Variants in STPG2 observed in about 807,000 individuals in gnomAD.
STPG2 encodes the protein sperm-tail PG-rich repeat-containing protein 2.
In STPG2, 56 loss-of-function variants were observed where a neutral mutation model predicts 54.2. The observed-to-expected ratio is 1.03, with a 90% CI of 0.83 to 1.29. STPG2 has a LOEUF of 1.29. Among genes scored for constraint, STPG2 ranks in the 50% most tolerant of loss-of-function variants. The probability of loss-of-function intolerance (pLI) is 0.00; values close to 1 mark genes in which losing one functional copy is unlikely to be tolerated. For missense variants in STPG2, 596 were observed against 544.9 expected (o/e 1.09, Z -0.93); for synonymous variants, 200 against 181.8 (o/e 1.10, Z -0.81).
intron 9 of STPG2, among the ~76,000 whole-genome samples, chr4:97,787,313 C>A (rs1726857319): frequency 6.6e-6 from 1 of 152,034 alleles, no homozygotes; most frequent in African/African-American, 2.4e-5. Context: ...TACTTCTATT[C>A]CTAATTTGCT....
intron 5 of STPG2, among the ~76,000 whole-genome samples, chr4:98,073,087 G>T (rs1738058529): frequency 6.6e-6 from 1 of 152,112 alleles, no homozygotes; most frequent in Non-Finnish European, 1.5e-5. Context: ...ATTCATTCAT[G>T]CTGCTTAAGG....
At chr4:98,114,013 G>A (rs571308912) in intron 3 of STPG2, among the ~76,000 whole-genome samples, 4 of 151,384 alleles carry the variant, frequency 2.6e-5, no homozygotes, top group Non-Finnish European at 5.9e-5. Context: ...AAAAGAGCAC[G>A]GAGAAACCCT....
chr4:97,836,831 A>T (rs1193537627), intron 9 of STPG2, among the ~76,000 whole-genome samples: 2 of 149,674 alleles, frequency 1.3e-5, no homozygotes, highest in Admixed American at 6.7e-5. Flanking sequence ...TTAATAATTA[A>T]TATTAACAAT....
chr4:97,674,825 C>T (rs973112205), intron 10 of STPG2, among the ~76,000 whole-genome samples: 1 of 151,984 alleles, frequency 6.6e-6, no homozygotes, highest in African/African-American at 2.4e-5. Context: ...AAAATTCTCA[C>T]CATATTAATA....
chr4:97,669,871 G>T (rs1047488657), intron 10 of STPG2, among the ~76,000 whole-genome samples: 59 of 152,038 alleles, frequency 3.9e-4, no homozygotes, highest in African/African-American at 7.7e-4. Context: ...TGCTAATGAG[G>T]TTATACATAT....
chr4:98,054,489 T>C (rs1316912204), intron 5 of STPG2, among the ~76,000 whole-genome samples: 2 of 152,194 alleles, frequency 1.3e-5, no homozygotes, highest in African/African-American at 2.4e-5. Context: ...CTATTAAATG[T>C]GACCACTCAA....
intron 8 of STPG2, among the ~76,000 whole-genome samples, chr4:97,906,621 A>T (rs1731435827): frequency 6.6e-6 from 1 of 152,148 alleles, no homozygotes; most frequent in South Asian, 2.1e-4. Flanking sequence ...TCCTCAATAA[A>T]ATATTGGCAA....
chr4:98,074,438 T>C (rs1275873054), intron 5 of STPG2, among the ~76,000 whole-genome samples: 1 of 151,708 alleles, frequency 6.6e-6, no homozygotes, highest in Non-Finnish European at 1.5e-5. Flanking sequence ...TTAAAGTTTG[T>C]AGAACTTCTT....
intron 7 of STPG2, among the ~76,000 whole-genome samples, chr4:97,948,962 T>C (rs1371237231): frequency 2.6e-5 from 4 of 152,078 alleles, no homozygotes. Flanking sequence ...CATTGTTTCT[T>C]TGTTGAATTT....
At chr4:97,919,106 T>C (rs541471598) in intron 8 of STPG2, among the ~76,000 whole-genome samples, 78 of 152,074 alleles carry the variant, frequency 5.1e-4, no homozygotes, top group Non-Finnish European at 7.9e-4. Context: ...TCTAAATATG[T>C]CAAAATAGAA....
downstream of STPG2, among the ~76,000 whole-genome samples, chr4:97,554,479 T>C (rs1347173741): frequency 6.6e-6 from 1 of 152,196 alleles, no homozygotes; most frequent in Non-Finnish European, 1.5e-5. Context: ...ACCTTCTTTC[T>C]GGCTTTGGTG....
At chr4:97,769,620 A>G (rs1270165705) in intron 9 of STPG2, among the ~76,000 whole-genome samples, 3 of 152,158 alleles carry the variant, frequency 2.0e-5, no homozygotes, top group African/African-American at 7.2e-5. Flanking sequence ...AAAAAAAGTT[A>G]TTAAAAAAAT....
At chr4:97,803,050 T>C (rs1221646365) in intron 9 of STPG2, among the ~76,000 whole-genome samples, 1 of 152,186 alleles carries the variant, frequency 6.6e-6, no homozygotes, top group African/African-American at 2.4e-5. Flanking sequence ...TGTTTTTGGA[T>C]TGTGCCAGGA....
rs771394414 is a variant in STPG2, at chr4:97,981,271, A to G, written c.660T>C (p.Asn220=). The change falls in exon 6 of 11, where the codon AAT becomes AAC. Residue 220 remains asparagine, a synonymous_variant. Coordinates refer to ENST00000295268, the MANE Select transcript of STPG2 (RefSeq NM_174952.3). ...AAGACTTGAGAGCAGTTCGAGGTTC[A>G]TTATATGTGCCAGGAGCCGGGGTGA... is the stretch of plus-strand genomic sequence containing the variant. ...KSITPAPGTY[N]EPRTALKSLK... The G allele has an allele frequency of 1.2e-6, 2 of 1,614,066 alleles. No individual in the cohort carries two copies. Among genetic ancestry groups the G allele is most frequent in the Admixed American group, 1.7e-5 (1 of 60,028 alleles).
intron 9 of STPG2, among the ~76,000 whole-genome samples, chr4:97,779,868 G>A (rs1057157621): frequency 2.6e-5 from 4 of 152,104 alleles, no homozygotes; most frequent in African/African-American, 7.2e-5. Flanking sequence ...ATCCTTTACA[G>A]ACAAGCAAAT....
intron 4 of STPG2, among the ~76,000 whole-genome samples, chr4:97,459,747 C>T (rs1038734160): frequency 6.6e-6 from 1 of 152,024 alleles, no homozygotes; most frequent in Non-Finnish European, 1.5e-5. Context: ...GGCCAGGATG[C>T]CTCTTTTTAA....
intron 10 of STPG2, among the ~76,000 whole-genome samples, chr4:97,599,573 C>T (rs1733399973): frequency 6.6e-6 from 1 of 152,004 alleles, no homozygotes; most frequent in African/African-American, 2.4e-5. Flanking sequence ...CCTGTAATCC[C>T]AGCACTTTGG....
intron 5 of STPG2, among the ~76,000 whole-genome samples, chr4:98,072,065 C>A (rs1290412409): frequency 2.0e-5 from 3 of 152,084 alleles, no homozygotes; most frequent in African/African-American, 2.4e-5. Context: ...TGGGTACATA[C>A]CCAAAGGAAT....
rs1733718967 is a variant in STPG2, at chr4:97,611,070, A to T, written c.1321-51953T>A. Among the ~76,000 whole-genome samples the T allele has an allele frequency of 3.3e-5, 5 of 152,190 alleles. No homozygotes were observed. The South Asian group carries it at 1.0e-3, about 31-fold the overall frequency. Reference sequence around the variant, plus strand: ...AGATAAAATGTAAACATTTATGAAGAATTTTTTTAATGTCATAGAATTTCT... The same window carrying T: ...AGATAAAATGTAAACATTTATGAAGTATTTTTTTAATGTCATAGAATTTCT... On this transcript the variant is annotated intron_variant, in intron 10 of 10. Transcript: ENST00000295268.
Sources: allele counts gnomAD v4.1 joint callset (sites outside exome capture counted in the v4.1 genomes callset), GRCh38; gene constraint gnomAD v4.1.1; transcripts MANE v1.5; gene names NCBI Gene and HGNC (gene_info 2026-07-23, HGNC 2026-07-21).